SYN3: variants seen among roughly 807,000 people sequenced by gnomAD.
SYN3 encodes synapsin-3.
Under a neutral mutation model 65.8 loss-of-function variants are expected in SYN3, and 35 were observed. That is an observed-to-expected ratio of 0.53 (90% CI 0.41 to 0.70). SYN3 has a LOEUF of 0.70. SYN3 is among the 30% of genes least tolerant of loss of function. The probability of loss-of-function intolerance (pLI) is 0.00; values close to 1 mark genes in which losing one functional copy is unlikely to be tolerated. For synonymous variants in SYN3, 270 were observed against 292.9 expected (o/e 0.92, Z 0.80); for missense variants, 680 against 749.0 (o/e 0.91, Z 1.08).
chr22:32,682,858 G>T (rs768292966), intron 6 of SYN3, among the ~76,000 whole-genome samples: 63 of 152,318 alleles, frequency 4.1e-4, no homozygotes, highest in Admixed American at 7.2e-4. Context: ...GAGCTCTCCT[G>T]TGGTACCCAT....
chr22:33,048,731 A>G (rs2054110133), intron 1 of SYN3, among the ~76,000 whole-genome samples: 1 of 152,198 alleles, frequency 6.6e-6, no homozygotes, highest in African/African-American at 2.4e-5. Flanking sequence ...CCTTGAGCCA[A>G]ATAAACCTCT....
intron 3 of SYN3, among the ~76,000 whole-genome samples, chr22:32,942,295 C>T (rs1280624160): frequency 6.6e-5 from 10 of 152,240 alleles, no homozygotes; most frequent in Admixed American, 5.9e-4. Context: ...CAGCAATATT[C>T]GCTGTTCTGC....
chr22:32,965,691 G>A (rs879360252), intron 3 of SYN3, among the ~76,000 whole-genome samples: 3 of 151,440 alleles, frequency 2.0e-5, no homozygotes, highest in African/African-American at 4.9e-5. Flanking sequence ...TGGCTTTTTC[G>A]TTGTTGTTGT....
At chr22:32,828,697 G>A (rs1163390466) in intron 6 of SYN3, among the ~76,000 whole-genome samples, 1 of 152,184 alleles carries the variant, frequency 6.6e-6, no homozygotes, top group African/African-American at 2.4e-5. Flanking sequence ...CAATCCAGCG[G>A]GAGTTCTTAC....
chr22:32,616,466 C>T (rs891182439), intron 6 of SYN3, among the ~76,000 whole-genome samples: 5 of 152,162 alleles, frequency 3.3e-5, no homozygotes, highest in African/African-American at 9.7e-5. Flanking sequence ...TTGTGGCAGT[C>T]GGGCCACAGT....
intron 2 of SYN3, among the ~76,000 whole-genome samples, chr22:32,991,120 T>C (rs1201019348): frequency 6.6e-6 from 1 of 151,862 alleles, no homozygotes; most frequent in Non-Finnish European, 1.5e-5. Context: ...GAGGCAGAGG[T>C]TGCAGTGAGC....
chr22:32,926,131 C>T (rs1041858031), intron 4 of SYN3, among the ~76,000 whole-genome samples: 1 of 152,170 alleles, frequency 6.6e-6, no homozygotes, highest in African/African-American at 2.4e-5. Flanking sequence ...GGATTACAGG[C>T]GTAAGCCATT....
chr22:32,600,931 C>T (rs2858736), intron 6 of SYN3, among the ~76,000 whole-genome samples: 1 of 152,158 alleles, frequency 6.6e-6, no homozygotes, highest in African/African-American at 2.4e-5. Context: ...AGGTAATCCA[C>T]CCACCTCGGC....
chr22:32,645,249 C>T (rs1167058699), intron 6 of SYN3, among the ~76,000 whole-genome samples: 1 of 152,032 alleles, frequency 6.6e-6, no homozygotes, highest in East Asian at 1.9e-4. Context: ...GTCGGGAGTT[C>T]GAGACCAGCC....
rs150866184 is a variant in SYN3, at chr22:32,828,821, G to A, written c.711+36094C>T. 2.6e-3 allele frequency among the ~76,000 whole-genome samples: 392 copies of A among 152,316 alleles called. 3 individuals are homozygous for A. The highest frequency in any genetic ancestry group is 0.014 in the Middle Eastern group (4 of 294). On this transcript the variant is annotated intron_variant, in intron 6 of 13. Coordinates refer to ENST00000358763, the MANE Select transcript of SYN3 (RefSeq NM_003490.4). ...TCCCAGATTCAGTGCTGGAGCCAGCGGTGGGGAGGGGAGTAGGGGCTGAAG... is the reference window on the plus strand; with the variant it reads ...TCCCAGATTCAGTGCTGGAGCCAGCAGTGGGGAGGGGAGTAGGGGCTGAAG...
At chr22:33,038,626 A>C (rs2053904234) in intron 1 of SYN3, among the ~76,000 whole-genome samples, 1 of 152,212 alleles carries the variant, frequency 6.6e-6, no homozygotes, top group Non-Finnish European at 1.5e-5. Flanking sequence ...ATCAGGACCC[A>C]AGACTGCCCC....
intron 2 of SYN3, among the ~76,000 whole-genome samples, chr22:32,983,711 G>A (rs997691995): frequency 1.3e-5 from 2 of 152,004 alleles, no homozygotes; most frequent in Admixed American, 6.5e-5. Context: ...GAATTTTATC[G>A]TAATCCTTAA....
chr22:32,949,907 G>A (rs2051238865), intron 3 of SYN3, among the ~76,000 whole-genome samples: 1 of 152,210 alleles, frequency 6.6e-6, no homozygotes, highest in South Asian at 2.1e-4. Flanking sequence ...GAAGGTAGCA[G>A]CTGTCAGCTT....
At chr22:33,039,483 C>T (rs1340877202) in intron 1 of SYN3, among the ~76,000 whole-genome samples, 1 of 150,774 alleles carries the variant, frequency 6.6e-6, no homozygotes, top group African/African-American at 2.4e-5. Context: ...TCAAGCGATT[C>T]TCCTGCATTC....
intron 10 of SYN3, among the ~76,000 whole-genome samples, chr22:32,530,440 C>T (rs1312917838): frequency 6.6e-6 from 1 of 152,180 alleles, no homozygotes; most frequent in Non-Finnish European, 1.5e-5. Context: ...CCTCCCACTG[C>T]ATCAGGCTAA....
At chr22:32,598,487 TA>T (rs1569077165) in intron 6 of SYN3, among the ~76,000 whole-genome samples, 6 of 141,922 alleles carry the variant, frequency 4.2e-5, no homozygotes, top group African/African-American at 1.8e-4. Flanking sequence ...CAGTAGACTT[TA>T]AATAATATTT....
intron 6 of SYN3, among the ~76,000 whole-genome samples, chr22:32,694,271 A>T (rs73881783): frequency 0.04 from 6,097 of 152,220 alleles, 389 homozygotes; most frequent in African/African-American, 0.13. Context: ...AACTCGGGCA[A>T]GCATACCTTT....
At chr22:32,678,816 C>G (rs2060482864) in intron 6 of SYN3, among the ~76,000 whole-genome samples, 2 of 152,012 alleles carry the variant, frequency 1.3e-5, no homozygotes, top group Non-Finnish European at 2.9e-5. Flanking sequence ...GCTGGCTCTT[C>G]TTTTTTAAAC....
At position 32,676,528 on chromosome 22, in the gene SYN3, C is replaced by CTT. The variant is rs879196572; in HGVS notation, c.712-79794_712-79793dup. Reference sequence around the variant, plus strand: ...CCATTTTCTTTCTTTTCTTTTCTTTCTTTTTTTTTTTTTTTTTTTTTTTTT... The same window carrying CTT: ...CCATTTTCTTTCTTTTCTTTTCTTTCTTTTTTTTTTTTTTTTTTTTTTTTTTT... On this transcript the variant is annotated intron_variant, in intron 6 of 13. Transcript: ENST00000358763. Among the ~76,000 whole-genome samples, 353 of 88,868 alleles carry CTT rather than the reference C, an allele frequency of 4.0e-3. 19 individuals carry two copies. The highest frequency in any genetic ancestry group is 7.2e-3 in the Middle Eastern group (1 of 138). The allele number at this position is 88,868 out of a possible 152,430, so 58.3% of individuals were successfully genotyped here.
Sources: allele counts gnomAD v4.1 joint callset (sites outside exome capture counted in the v4.1 genomes callset), GRCh38; gene constraint gnomAD v4.1.1; transcripts MANE v1.5; gene names NCBI Gene and HGNC (gene_info 2026-07-23, HGNC 2026-07-21).